CDCA7L: variants seen among roughly 807,000 people sequenced by gnomAD.
CDCA7L encodes the protein cell division cycle-associated 7-like protein.
Under a neutral mutation model 57.4 loss-of-function variants are expected in CDCA7L, and 44 were observed. That is an observed-to-expected ratio of 0.77 (90% CI 0.60 to 0.98). The LOEUF is 0.98. CDCA7L is among the 50% of genes least tolerant of loss of function. The pLI is 0.00. For missense variants in CDCA7L, 644 were observed against 580.6 expected (o/e 1.11, Z -1.12); for synonymous variants, 236 against 202.8 (o/e 1.16, Z -1.39).
chr7:21,904,907 G>A (rs1785089453), intron 7 of CDCA7L, among the ~76,000 whole-genome samples: 2 of 152,192 alleles, frequency 1.3e-5, no homozygotes, highest in Admixed American at 6.5e-5. Flanking sequence ...CCCCTGAAAG[G>A]TGACAGGTGA....
intron 1 of CDCA7L, chr7:21,944,809 G>T (rs1030968487): frequency 6.6e-6 from 1 of 151,194 alleles, no homozygotes; most frequent in Non-Finnish European, 1.5e-5. Flanking sequence ...GCAGGTGGAG[G>T]AAAGTAAACA....
rs150682314 is a variant in CDCA7L, at chr7:21,901,008, C to T, written c.*1314G>A. 3.8e-4 allele frequency: 597 copies of T among 1,586,380 alleles called. 2 individuals carry two copies. Among genetic ancestry groups the T allele is most frequent in the South Asian group, 2.7e-3 (236 of 86,592 alleles). ...GCAACCGCTGTGTTTTTGCCATAGG[C>T]GCCCGCTGGGACACCCAAGCAGGAA... On this transcript the variant is annotated 3_prime_UTR_variant, in exon 10 of 10. Coordinates refer to ENST00000406877, the MANE Select transcript of CDCA7L (RefSeq NM_018719.5).
At chr7:21,922,653 A>G (rs1236041054) in intron 1 of CDCA7L, among the ~76,000 whole-genome samples, 1 of 152,202 alleles carries the variant, frequency 6.6e-6, no homozygotes, top group East Asian at 1.9e-4. Context: ...ACTAGTGCCT[A>G]GTAGTAATAG....
chr7:21,904,345 A>ATATG, intron 7 of CDCA7L, 86 bp from the exon 8 acceptor site: 1 of 1,262,844 alleles, frequency 7.9e-7, no homozygotes, highest in Non-Finnish European at 1.1e-6. Context: ...ATTTCCAAGT[A>ATATG]TATGAAGAAA....
rs1001036201 is a variant in CDCA7L, at chr7:21,901,669, T to G, written c.*653A>C. The G allele has an allele frequency of 6.4e-6, 1 of 156,706 alleles. No individual in the cohort carries two copies. Among genetic ancestry groups the G allele is most frequent in the African/African-American group, 2.4e-5 (1 of 41,386 alleles). The allele number at this position is 156,706 out of a possible 1,614,324, so 9.7% of individuals were successfully genotyped here. On this transcript the variant is annotated 3_prime_UTR_variant, in exon 10 of 10. Transcript: ENST00000406877. ...TTTTAATTTTTAACAAACAACAAAT[T>G]AAATTATTAGCCCTTAAACTCTTTC...
intron 1 of CDCA7L, among the ~76,000 whole-genome samples, chr7:21,919,264 TA>T (rs1310432330): frequency 1.3e-5 from 2 of 152,190 alleles, no homozygotes; most frequent in Non-Finnish European, 2.9e-5. Flanking sequence ...TTCTAAAAAT[TA>T]TTATTAAATG....
In CDCA7L at chr7:21,907,132, G is replaced by A. The variant is rs866619860; in HGVS notation, c.682-493C>T. Among the ~76,000 whole-genome samples, 21 of 152,034 alleles carry A rather than the reference G, an allele frequency of 1.4e-4. 1 individual carries two copies. The highest frequency in any genetic ancestry group is 3.4e-3 in the Middle Eastern group (1 of 294). ...AAGTAATCTATGAAGATATTCCTAC[G>A]TGAACTAATAATACCAAATAATAGG... On this transcript the variant is annotated intron_variant, in intron 4 of 9. Transcript: ENST00000406877.
chr7:21,945,888 C>G lies in CDCA7L; in HGVS notation c.-84G>C. The G allele has an allele frequency of 6.9e-7, 1 of 1,457,062 alleles. No homozygotes were observed. The highest frequency in any genetic ancestry group is 2.7e-5 in the East Asian group (1 of 37,008). The allele number at this position is 1,457,062 out of a possible 1,614,324, so 90.3% of individuals were successfully genotyped here. On this transcript the variant is annotated 5_prime_UTR_variant, in exon 1 of 10. Transcript: ENST00000406877. ...CACGGCCCGGCGCACCAAGAACGCC[C>G]CGCGCCCGAGCAGCTAGCGCGCTCC...
chr7:21,902,895 GCAA>G (rs1784979265), intron 9 of CDCA7L, 80 bp downstream of exon 9: 1 of 1,333,634 alleles, frequency 7.5e-7, no homozygotes. Context: ...ACACGGGAAG[GCAA>G]CAACTACTTG....
At chr7:21,913,413 C>A (rs970847689) in intron 2 of CDCA7L, among the ~76,000 whole-genome samples, 1 of 152,016 alleles carries the variant, frequency 6.6e-6, no homozygotes, top group Non-Finnish European at 1.5e-5. Context: ...CCAGAGTTAG[C>A]ATACACATAC....
At chr7:21,943,007 A>T (rs1786389713) in intron 1 of CDCA7L, among the ~76,000 whole-genome samples, 1 of 152,190 alleles carries the variant, frequency 6.6e-6, no homozygotes, top group Non-Finnish European at 1.5e-5. Flanking sequence ...GCCATCCTGT[A>T]CTCTGGAGCT....
intron 1 of CDCA7L, among the ~76,000 whole-genome samples, chr7:21,928,620 G>C (rs1042736690): frequency 2.6e-5 from 4 of 151,772 alleles, no homozygotes; most frequent in African/African-American, 9.7e-5. Context: ...TGACCTGATG[G>C]AGCTGAAAAA....
At chr7:21,937,891 T>C (rs1199674871) in intron 1 of CDCA7L, among the ~76,000 whole-genome samples, 1 of 152,146 alleles carries the variant, frequency 6.6e-6, no homozygotes, top group Admixed American at 6.6e-5. Context: ...TTGGATTAGG[T>C]TGGACCCTTA....
intron 1 of CDCA7L, among the ~76,000 whole-genome samples, chr7:21,939,696 A>G (rs1786281546): frequency 6.6e-6 from 1 of 152,200 alleles, no homozygotes; most frequent in South Asian, 2.1e-4. Context: ...TTCATCCTGT[A>G]GGACTCTCCT....
At chr7:21,930,593 A>T (rs1398639466) in intron 1 of CDCA7L, among the ~76,000 whole-genome samples, 1 of 146,648 alleles carries the variant, frequency 6.8e-6, no homozygotes, top group Admixed American at 7.0e-5. Context: ...GCCACTTGGG[A>T]GGCTGAGGCA....
At chr7:21,919,492 A>G (rs1224506472) in intron 1 of CDCA7L, among the ~76,000 whole-genome samples, 1 of 152,146 alleles carries the variant, frequency 6.6e-6, no homozygotes. Flanking sequence ...TCACTGGGAA[A>G]TGGCATTTAA....
chr7:21,903,841 T>C (rs1785033530), intron 8 of CDCA7L: 1 of 335,594 alleles, frequency 3.0e-6, no homozygotes, highest in Admixed American at 4.5e-5. Flanking sequence ...GTACAGGGAT[T>C]ACTTGCATAA....
chr7:21,913,843 G>T (rs1400994577), intron 2 of CDCA7L, among the ~76,000 whole-genome samples: 1 of 152,162 alleles, frequency 6.6e-6, no homozygotes, highest in Non-Finnish European at 1.5e-5. Flanking sequence ...ACTTACCATT[G>T]TCCTGAACTG....
chr7:21,941,714 G>A (rs1017232078), intron 1 of CDCA7L, among the ~76,000 whole-genome samples: 1 of 152,180 alleles, frequency 6.6e-6, no homozygotes, highest in African/African-American at 2.4e-5. Context: ...CCAGCAGCAA[G>A]GGCCAATTCC....
Sources: gnomAD v4.1 joint callset for allele counts (sites outside exome capture counted in the v4.1 genomes callset) on GRCh38, gnomAD v4.1.1 for gene constraint, MANE v1.5 for transcripts, NCBI Gene and HGNC (gene_info 2026-07-23, HGNC 2026-07-21) for gene names.